Variants in STPG4 observed in about 807,000 individuals in gnomAD.
STPG4 encodes the protein protein STPG4.
STPG4 carries 41 observed loss-of-function variants against 31.5 expected under a neutral mutation model. The observed-to-expected ratio is 1.30, with a 90% CI of 1.01 to 1.69. The LOEUF (loss-of-function observed/expected upper bound fraction) is 1.69, where lower values mean the gene tolerates loss of function less well. STPG4 is among the 40% of genes most tolerant of loss of function. STPG4 has a pLI of 0.00. For missense variants in STPG4, 375 were observed against 293.4 expected, an observed-to-expected ratio of 1.28 and a Z score of -2.03; for synonymous variants, 141 against 103.0, an observed-to-expected ratio of 1.37 and a Z score of -2.24.
intron 3 of STPG4, among the ~76,000 whole-genome samples, 195 bp from the exon 4 acceptor site, chr2:47,130,455 G>C (rs1686455506): frequency 6.6e-6 from 1 of 152,194 alleles, no homozygotes; most frequent in Non-Finnish European, 1.5e-5. Context: ...GGTCTTCATG[G>C]TGAATTTTAT....
intron 5 of STPG4, among the ~76,000 whole-genome samples, chr2:47,124,879 T>C (rs1025796349): frequency 1.3e-5 from 2 of 152,206 alleles, no homozygotes; most frequent in African/African-American, 4.8e-5. Context: ...TAATTTACAT[T>C]CTCACCAACA....
At chr2:47,096,846 T>G (rs947292872) in intron 5 of STPG4, among the ~76,000 whole-genome samples, 10 of 152,048 alleles carry the variant, frequency 6.6e-5, no homozygotes, top group African/African-American at 2.4e-4. Flanking sequence ...ATATACGAAT[T>G]AAGGAACCAC....
chr2:47,090,152 A>G, intron 6 of STPG4, 118 bp downstream of exon 6: 1 of 682,220 alleles, frequency 1.5e-6, no homozygotes, highest in Non-Finnish European at 2.6e-6. Context: ...CTGTACACAC[A>G]TGATCATTCC....
chr2:47,147,167 C>G (rs1686841119), intron 3 of STPG4, among the ~76,000 whole-genome samples: 1 of 151,846 alleles, frequency 6.6e-6, no homozygotes, highest in South Asian at 2.1e-4. Flanking sequence ...ATAAAACCAC[C>G]CAGGAGAATG....
intron 3 of STPG4, among the ~76,000 whole-genome samples, chr2:47,148,796 T>C (rs1036948735): frequency 2.0e-5 from 3 of 152,328 alleles, no homozygotes; most frequent in Admixed American, 6.5e-5. Context: ...TTTTTTGTCC[T>C]TGCGATAGTT....
chr2:47,095,629 A>G (rs1037832113), intron 5 of STPG4, among the ~76,000 whole-genome samples: 3 of 152,182 alleles, frequency 2.0e-5, no homozygotes, highest in African/African-American at 7.2e-5. Context: ...TTATTCAGCC[A>G]ATATACATTG....
At chr2:47,090,440 G>C (rs1033719751) in intron 5 of STPG4, 66 bp from the exon 6 acceptor site, 1 of 1,038,440 alleles carries the variant, frequency 9.6e-7, no homozygotes, top group African/African-American at 1.6e-5. Context: ...GGCTTTATTT[G>C]CCTTCTACAA....
intron 5 of STPG4, among the ~76,000 whole-genome samples, chr2:47,125,064 G>A (rs571307359): frequency 4.5e-4 from 68 of 152,278 alleles, no homozygotes; most frequent in African/African-American, 1.6e-3. Flanking sequence ...CCATTTGTAT[G>A]TCTTCTTTTG....
At chr2:47,104,694 C>T (rs987743043) in intron 5 of STPG4, among the ~76,000 whole-genome samples, 1 of 151,928 alleles carries the variant, frequency 6.6e-6, no homozygotes, top group African/African-American at 2.4e-5. Flanking sequence ...CAAGTCCAGG[C>T]ACTCTGGTCC....
rs6706192 is a variant in STPG4, at chr2:47,107,396, C to T, written c.520-17022G>A. Among the ~76,000 whole-genome samples, 564 of 152,282 alleles carry T rather than the reference C, an allele frequency of 3.7e-3. 4 individuals carry two copies. Among genetic ancestry groups the T allele is most frequent in the African/African-American group, 0.013 (520 of 41,536 alleles). ...GGAGCAGCTGGCCGGCCCTGCCGGC[C>T]CCGGGCAACGAGGGGCTTAGCACCC... On this transcript the variant is annotated intron_variant, in intron 5 of 6. Transcript: ENST00000445927.
At chr2:47,116,206 C>T (rs1218540748) in intron 5 of STPG4, among the ~76,000 whole-genome samples, 2 of 152,160 alleles carry the variant, frequency 1.3e-5, no homozygotes, top group Admixed American at 6.5e-5. Context: ...CAGGCATTGT[C>T]AACGTGATAG....
chr2:47,106,839 C>G (rs767464338), intron 5 of STPG4, among the ~76,000 whole-genome samples: 6 of 151,934 alleles, frequency 3.9e-5, no homozygotes, highest in Admixed American at 2.6e-4. Context: ...AACTTCTTAT[C>G]AAATTTGTTT....
intron 6 of STPG4, among the ~76,000 whole-genome samples, chr2:47,088,322 G>C (rs890786874): frequency 6.6e-6 from 1 of 152,202 alleles, no homozygotes; most frequent in Admixed American, 6.5e-5. Flanking sequence ...CATAGACTAA[G>C]ACTTCAATTT....
chr2:47,144,548 A>G (rs1441603192), intron 3 of STPG4, among the ~76,000 whole-genome samples: 1 of 152,142 alleles, frequency 6.6e-6, no homozygotes, highest in Non-Finnish European at 1.5e-5. Flanking sequence ...AAATGTATAA[A>G]TACACAAAAA....
At chr2:47,146,122 G>A (rs951807123) in intron 3 of STPG4, among the ~76,000 whole-genome samples, 1 of 152,186 alleles carries the variant, frequency 6.6e-6, no homozygotes, top group East Asian at 1.9e-4. Flanking sequence ...GGAGTAGTAA[G>A]ACAAAGTCAA....
intron 5 of STPG4, among the ~76,000 whole-genome samples, chr2:47,119,986 A>C (rs908690219): frequency 6.6e-6 from 1 of 152,228 alleles, no homozygotes; most frequent in South Asian, 2.1e-4. Flanking sequence ...TCATAGGTAC[A>C]TTTAAAGATT....
intron 3 of STPG4, among the ~76,000 whole-genome samples, chr2:47,145,601 A>C (rs1686805813): frequency 6.6e-6 from 1 of 152,260 alleles, no homozygotes; most frequent in Non-Finnish European, 1.5e-5. Flanking sequence ...AACGAGCAAT[A>C]CACAGTTAAA....
At chr2:47,102,688 G>T (rs541618133) in intron 5 of STPG4, among the ~76,000 whole-genome samples, 6 of 151,628 alleles carry the variant, frequency 4.0e-5, no homozygotes, top group African/African-American at 1.5e-4. Flanking sequence ...AATCTCCCCT[G>T]CCCAGAAGGA....
At chr2:47,109,018 C>G (rs947627847) in intron 5 of STPG4, among the ~76,000 whole-genome samples, 1 of 152,210 alleles carries the variant, frequency 6.6e-6, no homozygotes, top group Admixed American at 6.5e-5. Context: ...TCCACCCCAC[C>G]TTTATGTTTT....
Sources: gnomAD v4.1 joint callset for allele counts (sites outside exome capture counted in the v4.1 genomes callset) on GRCh38, gnomAD v4.1.1 for gene constraint, MANE v1.5 for transcripts, NCBI Gene and HGNC (gene_info 2026-07-23, HGNC 2026-07-21) for gene names.